ARL17A: variants seen among roughly 807,000 people sequenced by gnomAD.
The protein encoded by ARL17A is ADP-ribosylation factor-like 17-like.
intron 3 of ARL17A, among the ~76,000 whole-genome samples, chr17:46,541,903 A>G (rs1423812951): frequency 6.7e-6 from 1 of 148,922 alleles, no homozygotes; most frequent in Non-Finnish European, 1.5e-5. Context: ...CCGAGGGACA[A>G]CTGTTCACTC....
intron 3 of ARL17A, among the ~76,000 whole-genome samples, chr17:46,541,958 T>G (rs1336523715): frequency 9.5e-5 from 13 of 137,258 alleles, no homozygotes; most frequent in Admixed American, 2.9e-4. Flanking sequence ...AAATGCCATC[T>G]CTACTAAAAA....
downstream of ARL17A, chr17:46,550,401 G>GA: frequency 1.7e-6 from 1 of 573,074 alleles, no homozygotes; most frequent in Non-Finnish European, 2.6e-6. Flanking sequence ...TTTTTTGTGT[G>GA]TTTTTTTTTT....
intron 2 of ARL17A, among the ~76,000 whole-genome samples, chr17:46,575,422 G>GT (rs1389735121): frequency 6.6e-6 from 1 of 151,592 alleles, no homozygotes; most frequent in Non-Finnish European, 1.5e-5. Context: ...CACTGGGAGC[G>GT]TACTTGGTGT....
At chr17:46,573,211 C>A in intron 2 of ARL17A, among the ~76,000 whole-genome samples, 1 of 52,120 alleles carries the variant, frequency 1.9e-5, no homozygotes, top group Admixed American at 2.1e-4. Flanking sequence ...AAATACAATG[C>A]CATTCCAATC....
chr17:46,541,346 G>A (rs2055278686), intron 3 of ARL17A, among the ~76,000 whole-genome samples: 1 of 149,316 alleles, frequency 6.7e-6, no homozygotes, highest in South Asian at 2.1e-4. Flanking sequence ...CCACCTCCCA[G>A]GTTCAAGTGG....
chr17:46,500,924 A>G, the ARL17A span, among the ~76,000 whole-genome samples: 1 of 151,162 alleles, frequency 6.6e-6, no homozygotes, highest in South Asian at 2.1e-4. Context: ...TCATGCCTGT[A>G]ATCCCAGCAC....
At chr17:46,502,527 C>T in the ARL17A span, among the ~76,000 whole-genome samples, 1 of 150,976 alleles carries the variant, frequency 6.6e-6, no homozygotes, top group African/African-American at 2.5e-5. Context: ...GTCTCGAACT[C>T]CTGACCTCAG....
intron 3 of ARL17A, among the ~76,000 whole-genome samples, chr17:46,545,683 CTTTCTT>C (rs1363684766): frequency 8.5e-6 from 1 of 118,026 alleles, no homozygotes; most frequent in African/African-American, 4.1e-5. Context: ...AACTCCTCCT[CTTTCTT>C]TTTCAATATC....
At chr17:46,573,017 G>A (rs1407058936) in intron 2 of ARL17A, among the ~76,000 whole-genome samples, 1 of 31,198 alleles carries the variant, frequency 3.2e-5, no homozygotes, top group East Asian at 4.4e-4. Flanking sequence ...AAGGGAGGAA[G>A]GGAGGAAAGG....
chr17:46,542,602 G>T lies in ARL17A; in HGVS notation c.260-4176C>A, dbSNP rs989427830. 2.0e-5 allele frequency among the ~76,000 whole-genome samples: 3 copies of T among 150,062 alleles called. 1 individual carries two copies. The highest frequency in any genetic ancestry group is 7.6e-5 in the African/African-American group (3 of 39,574). On this transcript the variant is annotated intron_variant, in intron 3 of 4. Transcript: ENST00000329240. The stretch of plus-strand genomic sequence containing the variant: ...CCCAGCTACTAGGGAACCTGAGTCA[G>T]GAGGATCACTTGAACCCAGGAGGTG...
chr17:46,502,876 C>T, the ARL17A span, among the ~76,000 whole-genome samples: 1 of 150,748 alleles, frequency 6.6e-6, no homozygotes, highest in African/African-American at 2.5e-5. Flanking sequence ...CACTGTGACT[C>T]ATGTTACAGG....
At chr17:46,500,827 T>C in the ARL17A span, among the ~76,000 whole-genome samples, 1 of 151,104 alleles carries the variant, frequency 6.6e-6, no homozygotes. Flanking sequence ...TATCAGATTA[T>C]AGGGAAGTGT....
chr17:46,545,055 G>A (rs956843314), intron 3 of ARL17A, among the ~76,000 whole-genome samples: 1 of 138,090 alleles, frequency 7.2e-6, no homozygotes, highest in African/African-American at 2.8e-5. Context: ...CATAGGTGAT[G>A]TATCCTTCCT....
chr17:46,558,053 GT>G (rs2057377607), intron 3 of ARL17A, among the ~76,000 whole-genome samples: 1 of 139,062 alleles, frequency 7.2e-6, no homozygotes, highest in Non-Finnish European at 1.6e-5. Flanking sequence ...AAATTCAGGA[GT>G]TTTGTTTGTT....
intron 4 of ARL17A, among the ~76,000 whole-genome samples, chr17:46,534,466 C>T (rs372526243): frequency 4.0e-5 from 6 of 148,844 alleles, no homozygotes; most frequent in Non-Finnish European, 7.4e-5. Context: ...TTAATCCATT[C>T]AACCCTGAGT....
At chr17:46,558,553 ATTTTTTT>A (rs58227880) in intron 3 of ARL17A, among the ~76,000 whole-genome samples, 8 of 100,244 alleles carry the variant, frequency 8.0e-5, no homozygotes, top group Non-Finnish European at 3.9e-5. Context: ...TGCCCGGCCA[ATTTTTTT>A]TTTTTTTTTT....
chr17:46,575,474 A>C (rs2146070817), intron 2 of ARL17A, among the ~76,000 whole-genome samples: 1 of 147,374 alleles, frequency 6.8e-6, no homozygotes, highest in East Asian at 2.0e-4. Context: ...GCTGGAACAG[A>C]GGCTGACTGA....
downstream of ARL17A, among the ~76,000 whole-genome samples, chr17:46,526,456 C>G (rs2145040357): frequency 9.7e-6 from 1 of 103,506 alleles, no homozygotes; most frequent in East Asian, 2.4e-4. Flanking sequence ...AGGCTTCTCA[C>G]TTGCACAGGC....
chr17:46,540,609 AGT>A (rs2055143067), intron 3 of ARL17A, among the ~76,000 whole-genome samples: 1 of 134,976 alleles, frequency 7.4e-6, no homozygotes, highest in Non-Finnish European at 1.5e-5. Context: ...AAAAAAAAAA[AGT>A]GTCAGTTCTG....
Sources: allele counts gnomAD v4.1 joint callset (sites outside exome capture counted in the v4.1 genomes callset), GRCh38; gene constraint gnomAD v4.1.1; transcripts MANE v1.5; gene names NCBI Gene and HGNC (gene_info 2026-07-23, HGNC 2026-07-21).